EGFR: variants seen among roughly 807,000 people sequenced by gnomAD.
EGFR encodes the protein avian erythroblastic leukemia viral (v-erb-b) oncogene homolog.
Under a neutral mutation model 143.0 loss-of-function variants are expected in EGFR, and 58 were observed. The observed-to-expected ratio is 0.41, with a 90% CI of 0.33 to 0.50. The LOEUF (loss-of-function observed/expected upper bound fraction) is 0.50, where lower values mean the gene tolerates loss of function less well. Among genes scored for constraint, EGFR ranks in the 20% least tolerant of loss-of-function variants. EGFR has a pLI of 0.39. For synonymous variants in EGFR, 613 were observed against 594.4 expected, an observed-to-expected ratio of 1.03 and a Z score of -0.45; for missense variants, 1,307 against 1,579.0, an observed-to-expected ratio of 0.83 and a Z score of 2.92.
chr7:55,119,040 C>G (rs1793045836), intron 1 of EGFR: 1 of 152,118 alleles, frequency 6.6e-6, no homozygotes, highest in East Asian at 1.9e-4. Flanking sequence ...TGCTCTTTCC[C>G]CTGCTCATTT....
intron 23 of EGFR, among the ~76,000 whole-genome samples, chr7:55,199,289 A>C (rs926893570): frequency 6.6e-6 from 1 of 152,224 alleles, no homozygotes; most frequent in Admixed American, 6.5e-5. Flanking sequence ...AAACCAGTGG[A>C]TTTATGTGAA....
intron 1 of EGFR, among the ~76,000 whole-genome samples, chr7:55,122,332 A>G (rs1793256442): frequency 6.6e-6 from 1 of 152,188 alleles, no homozygotes; most frequent in South Asian, 2.1e-4. Context: ...TCACATCGTT[A>G]GTGTTCCCTC....
At chr7:55,124,853 C>T (rs1793428828) in intron 1 of EGFR, among the ~76,000 whole-genome samples, 1 of 152,232 alleles carries the variant, frequency 6.6e-6, no homozygotes. Context: ...TCAACAGCTA[C>T]TTGATGCCAC....
chr7:55,202,902 C>G (rs1359309972), intron 27 of EGFR: 2 of 646,228 alleles, frequency 3.1e-6, no homozygotes, highest in African/African-American at 1.8e-5. Context: ...ACATACACAT[C>G]TGTGTGTGTG....
At chr7:55,120,307 A>G (rs1344407723) in intron 1 of EGFR, among the ~76,000 whole-genome samples, 1 of 152,190 alleles carries the variant, frequency 6.6e-6, no homozygotes, top group East Asian at 1.9e-4. Context: ...GAGGGCTAAT[A>G]TGTGACTATC....
In EGFR at chr7:55,200,345, A is replaced by G. The variant is rs1359029869; in HGVS notation, c.2878A>G (p.Lys960Glu). The part of the protein sequence containing the change: ...CWMIDADSRP[K>E]FRELIIEFSK... ...GATGATAGACGCAGATAGTCGCCCA[A>G]AGTTCCGTGAGTTGATCATCGAATT... Residue 960 changes from lysine (K) to glutamate (E), a missense_variant, in exon 24 of 28, where the codon AAG (lysine) becomes GAG (glutamate). Coordinates refer to ENST00000275493, the MANE Select transcript of EGFR (RefSeq NM_005228.5). 5.6e-6 allele frequency: 9 copies of G among 1,613,980 alleles called. No homozygotes were observed. Among genetic ancestry groups the G allele is most frequent in the African/African-American group, 4.0e-5 (3 of 74,884 alleles).
intron 1 of EGFR, among the ~76,000 whole-genome samples, chr7:55,112,209 T>A (rs1254801496): frequency 6.6e-6 from 1 of 152,252 alleles, no homozygotes; most frequent in Non-Finnish European, 1.5e-5. Flanking sequence ...GGTCTCATTG[T>A]GACTCACTTT....
intron 1 of EGFR, among the ~76,000 whole-genome samples, chr7:55,104,491 TG>T (rs1386223415): frequency 6.6e-6 from 1 of 152,240 alleles, no homozygotes; most frequent in African/African-American, 2.4e-5. Context: ...GAGCCTCATT[TG>T]TCTCATCTCT....
Position 55,201,198 on chromosome 7 carries a change from G to T in EGFR, c.2957G>T (p.Arg986Ile). The change falls in exon 25 of 28, where the codon AGA becomes ATA. Residue 986 changes from arginine to isoleucine, a missense_variant. This residue lies in a region of EGFR where 313 missense variants were observed against 312.3 expected (regional missense o/e 1.00). Transcript: ENST00000275493. ...QRYLVIQGDE[R>I]MHLPSPTDSN... ...AAATCTCTGCACCAGGGGGATGAAA[G>T]AATGCATTTGCCAAGTCCTACAGAC... 6.2e-7 allele frequency: 1 copy of T among 1,614,188 alleles called. No homozygotes were observed. Among genetic ancestry groups the T allele is most frequent in the South Asian group, 1.1e-5 (1 of 91,086 alleles).
intron 15 of EGFR, among the ~76,000 whole-genome samples, chr7:55,169,716 G>GA (rs1786251961): frequency 6.6e-6 from 1 of 152,086 alleles, no homozygotes; most frequent in Non-Finnish European, 1.5e-5. Flanking sequence ...CTCGCCTTCT[G>GA]ACGCTCTCAC....
chr7:55,051,983 A>G (rs1179961458), intron 1 of EGFR, among the ~76,000 whole-genome samples: 2 of 152,222 alleles, frequency 1.3e-5, no homozygotes, highest in African/African-American at 4.8e-5. Flanking sequence ...CCAGGAGGGC[A>G]GAGTTCTTCT....
chr7:55,150,702 T>C (rs967217861), intron 4 of EGFR, among the ~76,000 whole-genome samples: 2 of 152,194 alleles, frequency 1.3e-5, no homozygotes, highest in Non-Finnish European at 2.9e-5. Context: ...TAATTTGTAA[T>C]CGGCCAATTA....
Position 55,201,342 on chromosome 7 carries a change from T to G in EGFR, c.3101T>G (p.Leu1034Arg), listed in dbSNP as rs34352568. 6.2e-7 allele frequency: 1 copy of G among 1,614,142 alleles called. No homozygotes were observed. Among genetic ancestry groups the G allele is most frequent in the East Asian group, 2.2e-5 (1 of 44,876 alleles). The change falls in exon 25 of 28, where the codon CTC becomes CGC. Residue 1034 changes from leucine (L) to arginine (R), a missense_variant. By Grantham distance (102) the Leu-to-Arg change is moderately radical. This residue lies in a region of EGFR where 313 missense variants were observed against 312.3 expected (regional missense o/e 1.00). Transcript: ENST00000275493. ...AGCCCCTCCACGTCACGGACTCCCC[T>G]CCTGAGCTCTCTGGTATGAAATCTC... Reference protein sequence around the residue: ...FSSPSTSRTPLLSSLSATSNN... With the variant: ...FSSPSTSRTPRLSSLSATSNN...
chr7:55,193,538 A>AC (rs1219235264), intron 22 of EGFR, among the ~76,000 whole-genome samples: 4 of 152,112 alleles, frequency 2.6e-5, no homozygotes, highest in Non-Finnish European at 5.9e-5. Flanking sequence ...ATTGTCTCTG[A>AC]CCGCTGTGCC....
In EGFR at chr7:55,206,870, G is replaced by A. The variant is rs535434354; in HGVS notation, c.*1253G>A. 37 of 233,188 alleles carry A rather than the reference G, an allele frequency of 1.6e-4. No homozygotes were observed. The highest frequency in any genetic ancestry group is 5.1e-4 in the African/African-American group (23 of 45,434). The allele number at this position is 233,188 out of a possible 1,614,324, so 14.4% of individuals were successfully genotyped here. On this transcript the variant is annotated 3_prime_UTR_variant, in exon 28 of 28. Coordinates refer to ENST00000275493, the MANE Select transcript of EGFR (RefSeq NM_005228.5). ...CCACAACAGGGCATTTTACAGGTGC[G>A]AATGACAGTAGCATTATGAGTAGTG...
chr7:55,053,557 A>G (rs1788612369), intron 1 of EGFR, among the ~76,000 whole-genome samples: 1 of 152,234 alleles, frequency 6.6e-6, no homozygotes, highest in African/African-American at 2.4e-5. Flanking sequence ...GAGTTCCTCC[A>G]AGAAATTGCG....
intron 1 of EGFR, among the ~76,000 whole-genome samples, chr7:55,081,524 C>G (rs1159286266): frequency 6.6e-6 from 1 of 152,182 alleles, no homozygotes; most frequent in East Asian, 1.9e-4. Flanking sequence ...CTGTCCTCAG[C>G]CACCTGCCAT....
At position 55,156,799 on chromosome 7, in the gene EGFR, C is replaced by A; in HGVS notation, c.1174C>A (p.Leu392Met). The A allele has an allele frequency of 6.2e-7, 1 of 1,614,206 alleles. No homozygotes were observed. Among genetic ancestry groups the A allele is most frequent in the Non-Finnish European group, 8.5e-7 (1 of 1,180,044 alleles). ...TACTCCTCCTCTGGATCCACAGGAA[C>A]TGGATATTCTGAAAACCGTAAAGGA... ...THTPPLDPQE[L>M]DILKTVKEIT... The change falls in exon 10 of 28, where the codon CTG becomes ATG. Residue 392 changes from leucine (L) to methionine (M), a missense_variant. By Grantham distance (15) the Leu-to-Met change is conservative (BLOSUM62 2). Coordinates refer to ENST00000275493, the MANE Select transcript of EGFR (RefSeq NM_005228.5).
At chr7:55,181,830 G>A in intron 20 of EGFR, 1 of 357,422 alleles carries the variant, frequency 2.8e-6, no homozygotes, top group Non-Finnish European at 5.4e-6. Context: ...TTCAGGACTT[G>A]ATAACAAGGT....
Sources: gnomAD v4.1 joint callset for allele counts (sites outside exome capture counted in the v4.1 genomes callset) on GRCh38, gnomAD v4.1.1 for gene constraint, gnomAD v4.1.1 regional missense constraint, MANE v1.5 for transcripts, NCBI Gene and HGNC (gene_info 2026-07-23, HGNC 2026-07-21) for gene names.